The following SEMA3E variants were observed in gnomAD, a reference collection of about 807,000 sequenced individuals.
SEMA3E encodes semaphorin 3E.
A neutral mutation model predicts 93.6 loss-of-function variants in SEMA3E; 49 were observed. The observed-to-expected ratio is 0.52, with a 90% CI of 0.42 to 0.66. SEMA3E has a LOEUF of 0.66. Ranked by LOEUF, SEMA3E falls within the 30% of genes least tolerant of loss-of-function variation. The pLI is 0.00. For missense variants in SEMA3E, 906 were observed against 964.8 expected (o/e 0.94, Z 0.81); for synonymous variants, 363 against 330.7 (o/e 1.10, Z -1.06).
intron 2 of SEMA3E, among the ~76,000 whole-genome samples, chr7:83,481,070 T>C (rs574033358): frequency 6.6e-6 from 1 of 152,296 alleles, no homozygotes; most frequent in South Asian, 2.1e-4. Flanking sequence ...TAAACATGAA[T>C]AGCCATGAAT....
intron 1 of SEMA3E, among the ~76,000 whole-genome samples, chr7:83,568,131 G>A (rs1639908805): frequency 6.6e-6 from 1 of 151,998 alleles, no homozygotes; most frequent in Admixed American, 6.5e-5. Flanking sequence ...AAACCTAGAA[G>A]AAATAGATAA....
At chr7:83,394,262 A>C in intron 13 of SEMA3E, 35 bp downstream of exon 13, 1 of 1,468,406 alleles carries the variant, frequency 6.8e-7, no homozygotes, top group Non-Finnish European at 9.0e-7. Flanking sequence ...CATATAGAAC[A>C]CACACACCTA....
intron 4 of SEMA3E, among the ~76,000 whole-genome samples, chr7:83,442,482 A>G (rs529163338): frequency 3.3e-5 from 5 of 152,192 alleles, no homozygotes; most frequent in African/African-American, 4.8e-5. Context: ...TATTTAGCCA[A>G]TGTAAATTTC....
Position 83,604,423 on chromosome 7 carries a change from C to CTATA in SEMA3E, c.115+44004_115+44005insTATA, listed in dbSNP as rs780856625. On this transcript the variant is annotated intron_variant, in intron 1 of 16. Transcript: ENST00000643230. ...TGGTTTTAAACTTAAGTGGTTTTCT[C>CTATA]TCTCTATATATATATGTATATATAT... Among the ~76,000 whole-genome samples the CTATA allele has an allele frequency of 1.6e-3, 217 of 135,830 alleles. 2 individuals carry two copies. The highest frequency in any genetic ancestry group is 7.1e-4 in the Non-Finnish European group (43 of 60,976). 89.1% of individuals were successfully genotyped at this position (135,830 alleles called of 152,430 possible).
At position 83,616,981 on chromosome 7, in the gene SEMA3E, TCC is replaced by T. The variant is rs201067728; in HGVS notation, c.115+31445_115+31446del. Among the ~76,000 whole-genome samples the T allele has an allele frequency of 8.5e-5, 13 of 152,166 alleles. No individual in the cohort carries two copies. In the East Asian group the frequency reaches 1.9e-3, roughly 23 times the overall value. ...CTCAGGTGATCCACCCACCTTGGCC[TCC>T]CAAAGTGCTGGGATTACAGGCGTAA... On this transcript the variant is annotated intron_variant, in intron 1 of 16. Transcript: ENST00000643230.
At chr7:83,566,558 T>C (rs1792161878) in intron 1 of SEMA3E, among the ~76,000 whole-genome samples, 1 of 152,206 alleles carries the variant, frequency 6.6e-6, no homozygotes, top group African/African-American at 2.4e-5. Flanking sequence ...ACTTGTTTAC[T>C]TTCAGCCTGT....
chr7:83,488,054 T>C (rs1790302752), intron 2 of SEMA3E, among the ~76,000 whole-genome samples: 1 of 151,898 alleles, frequency 6.6e-6, no homozygotes, highest in Admixed American at 6.6e-5. Context: ...GGAGCCAATA[T>C]GCAAGCTGAT....
intron 1 of SEMA3E, among the ~76,000 whole-genome samples, chr7:83,637,382 AATACTT>A (rs1037540298): frequency 2.6e-5 from 4 of 152,136 alleles, no homozygotes; most frequent in Non-Finnish European, 5.9e-5. Flanking sequence ...AAGCTGAACA[AATACTT>A]ATAAATGATT....
rs147860162 is a variant in SEMA3E at position 83,627,775 on chromosome 7, G to C, written c.115+20653C>G. On this transcript the variant is annotated intron_variant, in intron 1 of 16. Transcript: ENST00000643230. ...TAGGTCTTGACTCTTTATTCAATTT[G>C]CCAGTCTGTGTCTTTTAATTGGGGC... Among the ~76,000 whole-genome samples, 526 of 151,068 alleles carry C rather than the reference G, an allele frequency of 3.5e-3. 2 individuals are homozygous for C. Among genetic ancestry groups the C allele is most frequent in the Middle Eastern group, 0.014 (4 of 292 alleles).
At chr7:83,630,696 GT>G (rs1394361085) in intron 1 of SEMA3E, among the ~76,000 whole-genome samples, 4 of 152,102 alleles carry the variant, frequency 2.6e-5, no homozygotes, top group Non-Finnish European at 5.9e-5. Context: ...TACTGATGAT[GT>G]TTTACTCTTC....
chr7:83,531,357 TTTTTTC>T (rs1791294801), intron 1 of SEMA3E, among the ~76,000 whole-genome samples: 2 of 140,590 alleles, frequency 1.4e-5, no homozygotes, highest in Admixed American at 7.2e-5. Flanking sequence ...TTTTTTTTTT[TTTTTTC>T]CGAGATGGAG....
intron 1 of SEMA3E, among the ~76,000 whole-genome samples, chr7:83,616,205 A>G (rs1457065323): frequency 1.3e-5 from 2 of 152,096 alleles, no homozygotes; most frequent in Non-Finnish European, 2.9e-5. Context: ...GTATTACAAA[A>G]CCATTTCAAA....
At chr7:83,617,813 A>C (rs1793412483) in intron 1 of SEMA3E, among the ~76,000 whole-genome samples, 1 of 151,780 alleles carries the variant, frequency 6.6e-6, no homozygotes, top group Non-Finnish European at 1.5e-5. Flanking sequence ...ACAACAATTA[A>C]AAAAGTAATA....
At position 83,388,322 on chromosome 7, in the gene SEMA3E, T is replaced by TA. The variant is rs10714005; in HGVS notation, c.1668-1273dup. On this transcript the variant is annotated intron_variant, in intron 14 of 16. Transcript: ENST00000643230. The stretch of plus-strand genomic sequence containing the variant: ...TACCCCATCTCAAAAAATAAAAAAA[T>TA]AAAAAAAAATATATATATATCTTTA... Among the ~76,000 whole-genome samples, 619 of 146,190 alleles carry TA rather than the reference T, an allele frequency of 4.2e-3. 7 individuals are homozygous for TA. The highest frequency in any genetic ancestry group is 0.015 in the African/African-American group (587 of 40,268).
At chr7:83,587,104 A>C (rs1451950362) in intron 1 of SEMA3E, among the ~76,000 whole-genome samples, 1 of 152,220 alleles carries the variant, frequency 6.6e-6, no homozygotes, top group Non-Finnish European at 1.5e-5. Context: ...AGAAACTTAA[A>C]GATTTTCCAC....
chr7:83,434,363 C>A (rs900008358), intron 4 of SEMA3E, among the ~76,000 whole-genome samples: 22 of 152,104 alleles, frequency 1.4e-4, no homozygotes, highest in Non-Finnish European at 2.5e-4. Flanking sequence ...GCTCTGGGGA[C>A]TGCCATTTTC....
intron 4 of SEMA3E, among the ~76,000 whole-genome samples, chr7:83,453,312 G>C (rs1166386995): frequency 6.6e-6 from 1 of 151,870 alleles, no homozygotes; most frequent in Non-Finnish European, 1.5e-5. Context: ...TTACAGGCAT[G>C]AGCTGGATAT....
At position 83,466,357 on chromosome 7, in the gene SEMA3E, G is replaced by A. The variant is rs73707849; in HGVS notation, c.456+125C>T. 1,517 of 1,168,660 alleles carry A rather than the reference G, an allele frequency of 1.3e-3. 15 individuals carry two copies. The African/African-American group carries it at 0.02, about 15-fold the overall frequency. 72.4% of individuals were successfully genotyped at this position (1,168,660 alleles called of 1,614,324 possible). On this transcript the variant is annotated intron_variant, in intron 4 of 16. Transcript: ENST00000643230. ...CAGAAAGATAATTTCTCTGTCTCAAGCAAACTGATTCAGTACATCGCAAAT... is the reference window on the plus strand; with the variant it reads ...CAGAAAGATAATTTCTCTGTCTCAAACAAACTGATTCAGTACATCGCAAAT...
At chr7:83,434,709 CTT>C (rs76539180) in intron 4 of SEMA3E, among the ~76,000 whole-genome samples, 41 of 120,214 alleles carry the variant, frequency 3.4e-4, no homozygotes, top group Admixed American at 7.6e-4. Flanking sequence ...AACTGTATTT[CTT>C]TTTTTTTTTT....
Sources: allele counts gnomAD v4.1 joint callset (sites outside exome capture counted in the v4.1 genomes callset), GRCh38; gene constraint gnomAD v4.1.1; transcripts MANE v1.5; gene names NCBI Gene and HGNC (gene_info 2026-07-23, HGNC 2026-07-21).